RBFOX1: variants seen among roughly 807,000 people sequenced by gnomAD.
RBFOX1 encodes the protein RNA binding fox-1 homolog 1, also known as RNA binding protein fox-1 homolog 1.
Under a neutral mutation model 57.7 loss-of-function variants are expected in RBFOX1, and 8 were observed. The observed-to-expected ratio is 0.14, with a 90% CI of 0.08 to 0.25. The LOEUF (loss-of-function observed/expected upper bound fraction) is 0.25, where lower values mean the gene tolerates loss of function less well. Among genes scored for constraint, RBFOX1 ranks in the 10% least tolerant of loss-of-function variants. The pLI, the probability that RBFOX1 is intolerant of heterozygous loss-of-function variation, is 1.00. For synonymous variants in RBFOX1, 326 were observed against 222.4 expected (o/e 1.47, Z -4.15); for missense variants, 611 against 548.5 (o/e 1.11, Z -1.14).
At chr16:7,589,845 T>C (rs893256966) in intron 7 of RBFOX1, among the ~76,000 whole-genome samples, 7 of 151,794 alleles carry the variant, frequency 4.6e-5, no homozygotes, top group Non-Finnish European at 8.8e-5. Context: ...GAACTCACCT[T>C]CTTGCCTTTC....
intron 2 of RBFOX1, among the ~76,000 whole-genome samples, chr16:6,613,002 C>G (rs1368836386): frequency 8.6e-6 from 1 of 116,872 alleles, no homozygotes; most frequent in East Asian, 2.3e-4. Flanking sequence ...CCAGTCCCAG[C>G]ATGTGTGTGT....
chr16:6,401,901 A>C (rs1357722633), intron 2 of RBFOX1, among the ~76,000 whole-genome samples: 1 of 151,950 alleles, frequency 6.6e-6, no homozygotes, highest in Non-Finnish European at 1.5e-5. Context: ...GAGAAGAGAA[A>C]TTGCTATTGT....
chr16:6,380,424 TTTTTTTTTTTTTTTTTTTTTTTA>T (rs1272201527), intron 2 of RBFOX1, among the ~76,000 whole-genome samples: 20 of 103,150 alleles, frequency 1.9e-4, no homozygotes, highest in South Asian at 3.5e-4. Flanking sequence ...TTTTTTTTTT[TTTTTTTTTTTTTTTTTTTTTTTA>T]GTAGAACTCA....
At chr16:7,084,521 C>A (rs556547262) in intron 4 of RBFOX1, among the ~76,000 whole-genome samples, 20 of 152,254 alleles carry the variant, frequency 1.3e-4, no homozygotes, top group African/African-American at 4.1e-4. Flanking sequence ...AGAAATAGTG[C>A]CCCATGCAGC....
Position 7,494,354 on chromosome 16 carries a change from T to G in RBFOX1, c.28-23793T>G, listed in dbSNP as rs190251052. Among the ~76,000 whole-genome samples, 268 of 152,220 alleles carry G rather than the reference T, an allele frequency of 1.8e-3. 1 individual carries two copies. Among genetic ancestry groups the G allele is most frequent in the Non-Finnish European group, 1.4e-3 (97 of 68,020 alleles). ...CTCTGGCCTTCCTACCATTGGCGGC[T>G]AGTGTGTTATTTTCCAAGCCCGCTG... On this transcript the variant is annotated intron_variant, in intron 4 of 15. Coordinates refer to ENST00000550418, the MANE Select transcript of RBFOX1 (RefSeq NM_018723.4).
chr16:6,404,143 T>G (rs1255404069), intron 2 of RBFOX1, among the ~76,000 whole-genome samples: 1 of 152,208 alleles, frequency 6.6e-6, no homozygotes, highest in East Asian at 1.9e-4. Flanking sequence ...ATATTTTAAA[T>G]TGCATCTATA....
chr16:7,699,167 G>C (rs527906435), intron 14 of RBFOX1, among the ~76,000 whole-genome samples: 6 of 152,242 alleles, frequency 3.9e-5, no homozygotes, highest in Admixed American at 1.3e-4. Context: ...CTCACACCTT[G>C]GGACACACTA....
chr16:6,125,824 T>C (rs1212238028), intron 1 of RBFOX1, among the ~76,000 whole-genome samples: 1 of 152,190 alleles, frequency 6.6e-6, no homozygotes, highest in East Asian at 1.9e-4. Context: ...TTCCTCCCAT[T>C]GTATTGTGAG....
rs144979090 is a variant in RBFOX1, at chr16:7,653,163, T to C, written c.758-652T>C. ...ACCTGTACATATATACATAGGTATA[T>C]GATTGATAAGACATGACACATCTTG... On this transcript the variant is annotated intron_variant, in intron 11 of 15. Coordinates refer to ENST00000550418, the MANE Select transcript of RBFOX1 (RefSeq NM_018723.4). Among the ~76,000 whole-genome samples the C allele has an allele frequency of 1.7e-3, 256 of 152,320 alleles. 2 individuals carry two copies. The highest frequency in any genetic ancestry group is 5.9e-3 in the African/African-American group (247 of 41,572).
At chr16:6,983,766 G>A (rs1229986832) in intron 3 of RBFOX1, 2 of 152,440 alleles carry the variant, frequency 1.3e-5, no homozygotes, top group African/African-American at 2.4e-5. Context: ...TAGGCTGGGT[G>A]GCTGCTGTAG....
intron 3 of RBFOX1, among the ~76,000 whole-genome samples, chr16:6,961,651 G>A (rs1185029183): frequency 6.6e-6 from 1 of 152,144 alleles, no homozygotes; most frequent in Non-Finnish European, 1.5e-5. Context: ...AACAAGGGGT[G>A]AATTATGAGT....
At chr16:6,490,048 TGTGA>T (rs1416178619) in intron 2 of RBFOX1, among the ~76,000 whole-genome samples, 2 of 152,198 alleles carry the variant, frequency 1.3e-5, no homozygotes, top group African/African-American at 4.8e-5. Context: ...TGATGGTGGA[TGTGA>T]GTACGTTGAC....
At chr16:6,175,773 G>A (rs1333076808) in intron 1 of RBFOX1, among the ~76,000 whole-genome samples, 1 of 152,178 alleles carries the variant, frequency 6.6e-6, no homozygotes, top group African/African-American at 2.4e-5. Flanking sequence ...TGCACTTTGA[G>A]TAGCCAGACT....
At chr16:6,142,375 C>G (rs1366892080) in intron 1 of RBFOX1, among the ~76,000 whole-genome samples, 5 of 151,642 alleles carry the variant, frequency 3.3e-5, no homozygotes, top group Non-Finnish European at 7.4e-5. Flanking sequence ...GCGCCCGCCT[C>G]CGCACGTGGC....
chr16:7,043,181 A>T (rs1035056845), intron 3 of RBFOX1, among the ~76,000 whole-genome samples: 2 of 152,260 alleles, frequency 1.3e-5, no homozygotes, highest in South Asian at 4.1e-4. Flanking sequence ...CTCCAGAAAC[A>T]ACTGACTGAT....
intron 4 of RBFOX1, among the ~76,000 whole-genome samples, chr16:7,494,331 C>A (rs774043771): frequency 6.6e-6 from 1 of 152,174 alleles, no homozygotes; most frequent in South Asian, 2.1e-4. Flanking sequence ...GAGACCATCT[C>A]TGGCCTTCCT....
chr16:5,826,734 G>T (rs2056069120), intron 3 of RBFOX1, among the ~76,000 whole-genome samples: 1 of 152,172 alleles, frequency 6.6e-6, no homozygotes, highest in Non-Finnish European at 1.5e-5. Flanking sequence ...ACATCCATAT[G>T]CTGTCCTATA....
At chr16:7,696,293 C>G (rs892939755) in intron 14 of RBFOX1, among the ~76,000 whole-genome samples, 2 of 152,164 alleles carry the variant, frequency 1.3e-5, no homozygotes, top group African/African-American at 2.4e-5. Context: ...GGGCAGGACA[C>G]CTCCTAATGC....
intron 4 of RBFOX1, among the ~76,000 whole-genome samples, chr16:7,480,997 A>G (rs907738427): frequency 1.3e-5 from 2 of 152,200 alleles, no homozygotes; most frequent in East Asian, 1.9e-4. Context: ...CCTGCCATGC[A>G]TGATATCCAA....
Sources: gnomAD v4.1 joint callset for allele counts (sites outside exome capture counted in the v4.1 genomes callset) on GRCh38, gnomAD v4.1.1 for gene constraint, MANE v1.5 for transcripts, NCBI Gene and HGNC (gene_info 2026-07-23, HGNC 2026-07-21) for gene names.